Variants in GATA2 observed in about 807,000 individuals in gnomAD.
The protein encoded by GATA2 is endothelial transcription factor GATA-2.
In GATA2, 6 loss-of-function variants were observed where a neutral mutation model predicts 35.7. That is an observed-to-expected ratio of 0.17 (90% CI 0.09 to 0.33). GATA2 has a LOEUF of 0.33. Ranked by LOEUF, GATA2 falls within the 10% of genes least tolerant of loss-of-function variation. GATA2 has a pLI of 1.00. For missense variants in GATA2, 541 were observed against 656.6 expected, an observed-to-expected ratio of 0.82 and a Z score of 1.92; for synonymous variants, 313 against 274.9, an observed-to-expected ratio of 1.14 and a Z score of -1.37.
At position 128,480,988 on chromosome 3, in the gene GATA2, G is replaced by A; in HGVS notation, c.*31C>T. 1.3e-6 allele frequency: 2 copies of A among 1,521,578 alleles called. No individual in the cohort carries two copies. Among genetic ancestry groups the A allele is most frequent in the South Asian group, 1.3e-5 (1 of 75,972 alleles). The allele number at this position is 1,521,578 out of a possible 1,614,324, so 94.3% of individuals were successfully genotyped here. ...TAAGGGTTTGGTCCACCCATCCCGG[G>A]AGTGCCCGGTCCTCGACGTCCATCT... On this transcript the variant is annotated 3_prime_UTR_variant, in exon 6 of 6. Transcript: ENST00000341105.
At chr3:128,484,116 A>G (rs1576747077) in intron 3 of GATA2, 111 bp from the exon 4 acceptor site, 2 of 1,395,076 alleles carry the variant, frequency 1.4e-6, no homozygotes, top group South Asian at 2.6e-5. Context: ...TCTCAGGCAC[A>G]CGGTTGGCCT....
chr3:128,485,527 C>T lies in GATA2; in HGVS notation c.871+200G>A, dbSNP rs1361986651. Among the ~76,000 whole-genome samples the T allele has an allele frequency of 5.3e-5, 8 of 152,274 alleles. No homozygotes were observed. The East Asian group carries it at 1.5e-3, about 29-fold the overall frequency. On this transcript the variant is annotated intron_variant, in intron 3 of 5. Coordinates refer to ENST00000341105, the MANE Select transcript of GATA2 (RefSeq NM_032638.5). ...GAACTTTGGGGGTACACTGGAAGCA[C>T]TTAAGAAAATGGCAAAAGTTTTAGA...
At chr3:128,487,191 A>C (rs1452073059) in intron 1 of GATA2, 115 bp from the exon 2 acceptor site, 1 of 623,306 alleles carries the variant, frequency 1.6e-6, no homozygotes, top group East Asian at 2.9e-5. Context: ...GAGAAAGAGC[A>C]CCAGTCCCGG....
chr3:128,487,304 G>A (rs2068716576), intron 1 of GATA2, among the ~76,000 whole-genome samples: 1 of 152,202 alleles, frequency 6.6e-6, no homozygotes, highest in African/African-American at 2.4e-5. Context: ...ACACACCCGT[G>A]CACATGGGGT....
intron 3 of GATA2, 30 bp downstream of exon 3, chr3:128,485,697 T>A (rs752037744): frequency 6.2e-7 from 1 of 1,610,168 alleles, no homozygotes; most frequent in South Asian, 1.1e-5. Flanking sequence ...TGCTCCCCTC[T>A]TCCACGAAGT....
chr3:128,491,213 C>CCG (rs2068763647), intron 1 of GATA2, among the ~76,000 whole-genome samples: 1 of 120,586 alleles, frequency 8.3e-6, no homozygotes, highest in African/African-American at 3.6e-5. Context: ...GTCCAGCCCC[C>CCG]CCCCCCCTCT....
chr3:128,483,596 G>A (rs1433404636), intron 4 of GATA2, among the ~76,000 whole-genome samples: 11 of 152,210 alleles, frequency 7.2e-5, no homozygotes, highest in African/African-American at 1.2e-4. Context: ...AGTCCGGCCC[G>A]TGGACACTCA....
At chr3:128,491,214 C>G (rs111882969) in intron 1 of GATA2, among the ~76,000 whole-genome samples, 8,030 of 128,604 alleles carry the variant, frequency 0.062, 810 homozygotes, top group African/African-American at 0.15. Context: ...TCCAGCCCCC[C>G]CCCCCCTCTG....
intron 5 of GATA2, 140 bp from the exon 6 acceptor site, chr3:128,481,458 A>G: frequency 1.1e-6 from 1 of 952,286 alleles, no homozygotes; most frequent in Non-Finnish European, 1.7e-6. Context: ...TCATAGTCCC[A>G]TCACCAGATG....
chr3:128,486,764 C>T, intron 2 of GATA2, 39 bp downstream of exon 2: 1 of 1,544,698 alleles, frequency 6.5e-7, no homozygotes, highest in Non-Finnish European at 8.8e-7. Context: ...GCCTGGCGCG[C>T]GGCGCCTGGG....
intron 3 of GATA2, 134 bp downstream of exon 3, chr3:128,485,593 G>A: frequency 8.9e-7 from 1 of 1,127,974 alleles, no homozygotes; most frequent in African/African-American, 1.5e-5. Flanking sequence ...CATCTGCTGG[G>A]GGCTATTAGA....
chr3:128,481,058 G>A lies in GATA2; in HGVS notation c.1404C>T (p.Gly468=), dbSNP rs2107667663. ...TCACCATGCTGGACGGGTGGGGGTG[G>A]CCGAAGGAGAGGCTGGAGGAGGGGT... ...PIHPSSSLSF[G]HPHPSSMVTA... The change falls in exon 6 of 6, where the codon GGC becomes GGT. Residue 468 remains glycine (G), a synonymous_variant. Transcript: ENST00000341105. 6.3e-7 allele frequency: 1 copy of A among 1,597,778 alleles called. No individual in the cohort carries two copies. Among genetic ancestry groups the A allele is most frequent in the Non-Finnish European group, 8.5e-7 (1 of 1,170,404 alleles).
At chr3:128,482,638 T>TC (rs1323647223) in intron 4 of GATA2, among the ~76,000 whole-genome samples, 10 of 151,722 alleles carry the variant, frequency 6.6e-5, no homozygotes, top group Non-Finnish European at 1.2e-4. Flanking sequence ...TGAGTGCTGA[T>TC]CCCCCCCATC....
intron 1 of GATA2, among the ~76,000 whole-genome samples, 169 bp downstream of exon 1, chr3:128,492,730 C>A (rs539665373): frequency 6.6e-6 from 1 of 152,218 alleles, no homozygotes; most frequent in Non-Finnish European, 1.5e-5. Flanking sequence ...CAAATACTCC[C>A]TCTGGTTAAA....
At position 128,486,918 on chromosome 3, in the gene GATA2, C is replaced by T. The variant is rs775573177; in HGVS notation, c.114G>A (p.Gln38=). ...GLAHNYMEPA[Q]LLPPDEVDVF... ...CGTCCACCTCGTCTGGAGGCAGCAG[C>T]TGCGCGGGTTCCATGTAGTTGTGCG... The change falls in exon 2 of 6, where the codon CAG becomes CAA. Residue 38 remains glutamine, a synonymous_variant. Transcript: ENST00000341105. 237 of 1,612,800 alleles carry T rather than the reference C, an allele frequency of 1.5e-4. No homozygotes were observed. In the Admixed American group the frequency reaches 3.9e-3, roughly 26 times the overall value.
intron 1 of GATA2, chr3:128,487,952 G>T (rs1025858263): frequency 2.0e-5 from 3 of 152,312 alleles, no homozygotes; most frequent in African/African-American, 7.2e-5. Context: ...GGCCGCGCAC[G>T]CCTAAGAAGC....
intron 1 of GATA2, chr3:128,487,733 GGGACTCGGCCTCTGAGAGTGAA>G: frequency 6.6e-6 from 1 of 152,634 alleles, no homozygotes; most frequent in Non-Finnish European, 1.5e-5. Flanking sequence ...GGGGAGGGGA[GGGACTCGGCCTCTGAGAGTGAA>G]GGAGTTCCGG....
At chr3:128,484,331 G>A (rs1180329977) in intron 3 of GATA2, among the ~76,000 whole-genome samples, 4 of 152,188 alleles carry the variant, frequency 2.6e-5, no homozygotes, top group Admixed American at 1.3e-4. Context: ...AAACTTTGCC[G>A]AGGGTAGGGT....
Position 128,481,127 on chromosome 3 carries a change from G to A in GATA2, c.1335C>T (p.Pro445=), listed in dbSNP as rs2107667802. 1 of 1,614,220 alleles carries A rather than the reference G, an allele frequency of 6.2e-7. No homozygotes were observed. Among genetic ancestry groups the A allele is most frequent in the Non-Finnish European group, 8.5e-7 (1 of 1,180,036 alleles). ...GCAGGATGTGTCCGGAGTGGCTGAA[G>A]GGCGGGAGGTGGCCCACAGGTGCCA... is the stretch of plus-strand genomic sequence containing the variant. ...GHMAPVGHLP[P]FSHSGHILPT... is the part of the protein sequence containing the mutation. Residue 445 remains proline, a synonymous_variant, in exon 6 of 6, where the codon CCC becomes CCT. Transcript: ENST00000341105.
Sources: gnomAD v4.1 joint callset for allele counts (sites outside exome capture counted in the v4.1 genomes callset) on GRCh38, gnomAD v4.1.1 for gene constraint, MANE v1.5 for transcripts, NCBI Gene and HGNC (gene_info 2026-07-23, HGNC 2026-07-21) for gene names.